The following ADGRL3 variants were observed in gnomAD, a reference collection of about 807,000 sequenced individuals.
The protein encoded by ADGRL3 is calcium-independent alpha-latrotoxin receptor 3.
A neutral mutation model predicts 153.5 loss-of-function variants in ADGRL3; 62 were observed. The observed-to-expected ratio is 0.40, with a 90% CI of 0.33 to 0.50. The LOEUF is 0.50. Ranked by LOEUF, ADGRL3 falls within the 20% of genes least tolerant of loss-of-function variation. The probability of loss-of-function intolerance (pLI) is 0.47; values close to 1 mark genes in which losing one functional copy is unlikely to be tolerated. For synonymous variants in ADGRL3, 710 were observed against 672.5 expected (o/e 1.06, Z -0.86); for missense variants, 1,641 against 1,859.4 (o/e 0.88, Z 2.16).
intron 1 of ADGRL3, among the ~76,000 whole-genome samples, chr4:61,370,274 T>G (rs1443029918): frequency 2.9e-5 from 3 of 104,798 alleles, no homozygotes; most frequent in Admixed American, 1.0e-4. Context: ...TCTGCTAGCT[T>G]TTGAATGTGT....
At position 61,472,621 on chromosome 4, in the gene ADGRL3, G is replaced by C. The variant is rs549024333; in HGVS notation, c.-173-24500G>C. Among the ~76,000 whole-genome samples, 3 of 152,086 alleles carry C rather than the reference G, an allele frequency of 2.0e-5. No homozygotes were observed. In the South Asian group the frequency reaches 6.2e-4, roughly 32 times the overall value. On this transcript the variant is annotated intron_variant, in intron 2 of 26. Transcript: ENST00000683033. ...TACTTGTTAGAAATTAGTAAGTTCT[G>C]CTCAGTCTGAAGAGGAATAGAATGC...
intron 2 of ADGRL3, among the ~76,000 whole-genome samples, chr4:61,450,815 C>T (rs927906178): frequency 6.6e-5 from 10 of 151,704 alleles, no homozygotes; most frequent in African/African-American, 2.2e-4. Context: ...TTGAGAACCA[C>T]GTGAAAAATA....
intron 2 of ADGRL3, among the ~76,000 whole-genome samples, chr4:61,478,173 G>A (rs1194953108): frequency 6.6e-6 from 1 of 151,930 alleles, no homozygotes; most frequent in East Asian, 1.9e-4. Flanking sequence ...AGTACTTATG[G>A]GCATTTAGGA....
intron 1 of ADGRL3, among the ~76,000 whole-genome samples, chr4:61,208,219 A>G (rs1560356146): frequency 6.6e-6 from 1 of 152,180 alleles, no homozygotes; most frequent in South Asian, 2.1e-4. Flanking sequence ...TGTAGAGATG[A>G]ACAGAAAGGG....
chr4:61,830,420 G>A (rs1415751570), intron 9 of ADGRL3, among the ~76,000 whole-genome samples: 1 of 152,122 alleles, frequency 6.6e-6, no homozygotes, highest in Non-Finnish European at 1.5e-5. Context: ...TTCCCTGCTG[G>A]CATCTGCAGA....
rs1218648260 is a variant in ADGRL3, at chr4:61,553,654, T to G, written c.260-33573T>G. Among the ~76,000 whole-genome samples the G allele has an allele frequency of 3.3e-5, 5 of 152,188 alleles. No individual in the cohort carries two copies. In the East Asian group the frequency reaches 9.6e-4, roughly 29 times the overall value. On this transcript the variant is annotated intron_variant, in intron 4 of 26. Transcript: ENST00000683033. ...TAGGTATTAATAACAAGTGTAGGCA[T>G]AAAAGGAAACTTCAATAATTTTAAT...
At chr4:62,049,812 A>C (rs1319715853) in intron 25 of ADGRL3, among the ~76,000 whole-genome samples, 3 of 152,112 alleles carry the variant, frequency 2.0e-5, no homozygotes, top group Non-Finnish European at 4.4e-5. Flanking sequence ...TAATCCAGAG[A>C]CCTCTGGCAA....
At chr4:61,604,567 C>G (rs1373953244) in intron 5 of ADGRL3, among the ~76,000 whole-genome samples, 2 of 152,140 alleles carry the variant, frequency 1.3e-5, no homozygotes, top group Non-Finnish European at 2.9e-5. Context: ...TCCTTTCTTC[C>G]CCTTTCTTTA....
At chr4:61,208,915 G>A (rs1738551921) in intron 1 of ADGRL3, among the ~76,000 whole-genome samples, 1 of 152,018 alleles carries the variant, frequency 6.6e-6, no homozygotes, top group Admixed American at 6.6e-5. Context: ...CTGTAGTTCA[G>A]TCTGTTTGTG....
rs530110197 is a variant in ADGRL3 at position 61,337,711 on chromosome 4, T to G, written c.-239-45413T>G. Among the ~76,000 whole-genome samples the G allele has an allele frequency of 2.6e-5, 4 of 152,342 alleles. No homozygotes were observed. In the East Asian group the frequency reaches 7.7e-4, roughly 29 times the overall value. ...TGTGTTATGCTTCACGTGTATTTTC[T>G]TTTTTAACTGATGTACTTATATGTG... On this transcript the variant is annotated intron_variant, in intron 1 of 26. Transcript: ENST00000683033.
At chr4:61,359,562 T>C (rs1008410428) in intron 1 of ADGRL3, among the ~76,000 whole-genome samples, 1 of 152,206 alleles carries the variant, frequency 6.6e-6, no homozygotes, top group Admixed American at 6.5e-5. Flanking sequence ...TCTGAAATGC[T>C]CTCCTTGTCG....
chr4:61,805,559 G>A (rs953325362), intron 8 of ADGRL3, among the ~76,000 whole-genome samples: 1 of 152,016 alleles, frequency 6.6e-6, no homozygotes, highest in Non-Finnish European at 1.5e-5. Context: ...TATTTTTCCA[G>A]CACCATAACC....
chr4:61,680,091 G>A (rs2095301005), intron 6 of ADGRL3, among the ~76,000 whole-genome samples: 1 of 151,922 alleles, frequency 6.6e-6, no homozygotes, highest in Admixed American at 6.6e-5. Flanking sequence ...AGGCTCCTAA[G>A]TAAAATACTT....
At chr4:61,478,170 A>T (rs1363781800) in intron 2 of ADGRL3, among the ~76,000 whole-genome samples, 1 of 152,126 alleles carries the variant, frequency 6.6e-6, no homozygotes. Flanking sequence ...CAGAGTACTT[A>T]TGGGCATTTA....
At chr4:61,380,276 G>T in intron 1 of ADGRL3, among the ~76,000 whole-genome samples, 1 of 151,894 alleles carries the variant, frequency 6.6e-6, no homozygotes, top group East Asian at 1.9e-4. Flanking sequence ...GAATGCAGAG[G>T]TTAGCTCTGT....
chr4:62,026,933 C>T (rs1040207780), intron 21 of ADGRL3, among the ~76,000 whole-genome samples: 3 of 152,004 alleles, frequency 2.0e-5, no homozygotes, highest in Non-Finnish European at 4.4e-5. Flanking sequence ...CCAAGATACA[C>T]ATAATGAAAT....
intron 1 of ADGRL3, among the ~76,000 whole-genome samples, chr4:61,255,958 G>A (rs1377485775): frequency 1.3e-5 from 2 of 152,094 alleles, no homozygotes; most frequent in South Asian, 2.1e-4. Flanking sequence ...ATGTGTCTGC[G>A]TCAGCCTGCA....
intron 4 of ADGRL3, among the ~76,000 whole-genome samples, chr4:61,520,524 G>A (rs1560775160): frequency 6.6e-6 from 1 of 152,100 alleles, no homozygotes; most frequent in Non-Finnish European, 1.5e-5. Flanking sequence ...GCTTCCACAA[G>A]AGGGTTATAT....
chr4:61,808,714 A>G (rs1306869616), intron 8 of ADGRL3, among the ~76,000 whole-genome samples: 1 of 151,186 alleles, frequency 6.6e-6, no homozygotes, highest in Non-Finnish European at 1.5e-5. Flanking sequence ...CAAACAACAC[A>G]TTGACCTATG....
Sources: allele counts gnomAD v4.1 joint callset (sites outside exome capture counted in the v4.1 genomes callset), GRCh38; gene constraint gnomAD v4.1.1; transcripts MANE v1.5; gene names NCBI Gene and HGNC (gene_info 2026-07-23, HGNC 2026-07-21).